BIN2: variants seen among roughly 807,000 people sequenced by gnomAD.
The protein encoded by BIN2 is bridging integrator 2, also known as breast cancer associated protein BRAP1.
A neutral mutation model predicts 67.9 loss-of-function variants in BIN2; 43 were observed. The observed-to-expected ratio is 0.63, with a 90% CI of 0.50 to 0.82. The LOEUF is 0.82. BIN2 is among the 40% of genes least tolerant of loss of function. BIN2 has a pLI of 0.00. For synonymous variants in BIN2, 244 were observed against 246.8 expected, an observed-to-expected ratio of 0.99 and a Z score of 0.11; for missense variants, 581 against 671.6, an observed-to-expected ratio of 0.87 and a Z score of 1.49.
rs1945665682 is a variant in BIN2 at position 51,299,614 on chromosome 12, GTCT to G, written c.506_508del (p.Lys169del). On this transcript the variant is annotated inframe_deletion, in exon 6 of 13. Transcript: ENST00000615107. Reference sequence around the variant, plus strand: ...TTGTTGTTTTTGTTTTACCTTGGCAGTCTTGGCCTCATCTTTCTTCTTGGCATT... The same window carrying G: ...TTGTTGTTTTTGTTTTACCTTGGCAGTGGCCTCATCTTTCTTCTTGGCATT... The G allele has an allele frequency of 1.2e-6, 2 of 1,613,748 alleles. No individual in the cohort carries two copies.
intron 2 of BIN2, among the ~76,000 whole-genome samples, chr12:51,310,229 G>T (rs1945962235): frequency 6.6e-6 from 1 of 152,128 alleles, no homozygotes; most frequent in Non-Finnish European, 1.5e-5. Flanking sequence ...GAAGACATAG[G>T]AACATATTAG....
chr12:51,290,925 T>C (rs1262240060), intron 10 of BIN2, among the ~76,000 whole-genome samples: 1 of 132,912 alleles, frequency 7.5e-6, no homozygotes, highest in Non-Finnish European at 1.6e-5. Flanking sequence ...AGAGCGAGAC[T>C]CCGTCTCAAA....
chr12:51,283,990 T>G (rs1945178404), intron 12 of BIN2, among the ~76,000 whole-genome samples: 1 of 33,704 alleles, frequency 3.0e-5, no homozygotes, highest in South Asian at 2.9e-3. Flanking sequence ...TGAAACTCCG[T>G]CTCAAAAAAA....
At chr12:51,290,070 A>ATTAT (rs946814147) in intron 10 of BIN2, among the ~76,000 whole-genome samples, 24 of 151,014 alleles carry the variant, frequency 1.6e-4, no homozygotes, top group South Asian at 4.2e-4. Flanking sequence ...TTTTGAATTT[A>ATTAT]TTATTTATTT....
chr12:51,321,069 A>C (rs750277100), intron 1 of BIN2, among the ~76,000 whole-genome samples: 2 of 151,984 alleles, frequency 1.3e-5, no homozygotes, highest in African/African-American at 2.4e-5. Flanking sequence ...TGGTCACCAG[A>C]CCTCCACTCC....
intron 9 of BIN2, among the ~76,000 whole-genome samples, chr12:51,293,041 A>C (rs939599914): frequency 1.3e-5 from 2 of 151,918 alleles, no homozygotes; most frequent in African/African-American, 4.8e-5. Context: ...ATATATATTA[A>C]ATAAGGTATC....
rs1267935737 is a variant in BIN2, at chr12:51,318,262, CT to C, written c.82-4360del. ...AGAGACTCTGATTCATATCTCCATT[CT>C]TTTTTTTTTTTTTTTTTGAGACAAG... On this transcript the variant is annotated intron_variant, in intron 1 of 12. Coordinates refer to ENST00000615107, the MANE Select transcript of BIN2 (RefSeq NM_016293.4). 4.2e-3 allele frequency among the ~76,000 whole-genome samples: 557 copies of C among 131,756 alleles called. 2 individuals carry two copies. Among genetic ancestry groups the C allele is most frequent in the African/African-American group, 9.9e-3 (355 of 35,710 alleles). 86.4% of individuals were successfully genotyped at this position (131,756 alleles called of 152,430 possible). A position where few individuals can be genotyped will look rare whatever the true frequency, so the allele number is the denominator to read the frequency against.
intron 2 of BIN2, among the ~76,000 whole-genome samples, chr12:51,303,964 G>T (rs1406111699): frequency 1.3e-5 from 2 of 152,144 alleles, no homozygotes; most frequent in Non-Finnish European, 2.9e-5. Context: ...ACTTTTTCTG[G>T]CTGGGCGTGG....
chr12:51,293,459 G>A (rs1169044361), intron 9 of BIN2, among the ~76,000 whole-genome samples: 1 of 152,132 alleles, frequency 6.6e-6, no homozygotes, highest in Non-Finnish European at 1.5e-5. Flanking sequence ...ACAGGCGCCC[G>A]CCACCATGCC....
intron 1 of BIN2, among the ~76,000 whole-genome samples, chr12:51,323,765 C>T (rs1369931015): frequency 1.3e-5 from 2 of 152,350 alleles, no homozygotes; most frequent in African/African-American, 4.8e-5. Context: ...GAAGGTTCTG[C>T]CCAGAGACTG....
chr12:51,310,640 T>G (rs1274967134), intron 2 of BIN2, among the ~76,000 whole-genome samples: 2 of 152,244 alleles, frequency 1.3e-5, no homozygotes, highest in East Asian at 3.8e-4. Flanking sequence ...AATCTCACAT[T>G]TATTTATTGT....
chr12:51,324,217 C>T (rs760079668), upstream of BIN2: 162 of 1,480,382 alleles, frequency 1.1e-4, no homozygotes, highest in Non-Finnish European at 1.4e-4. Context: ...AGCCCTGAGC[C>T]ACCTCAGGCC....
intron 9 of BIN2, among the ~76,000 whole-genome samples, chr12:51,295,587 T>A (rs1403582391): frequency 0.066 from 731 of 11,008 alleles, 34 homozygotes; most frequent in Non-Finnish European, 0.084. Flanking sequence ...AATATATATA[T>A]ATATATATAT....
At position 51,298,556 on chromosome 12, in the gene BIN2, T is replaced by A. The variant is rs149802233; in HGVS notation, c.602+647A>T. ...CCTGTCTCAAAATAAATAAATTAAT[T>A]AATTAATAAAATAAAATAAAAAATA... On this transcript the variant is annotated intron_variant, in intron 7 of 12. Transcript: ENST00000615107. Among the ~76,000 whole-genome samples the A allele has an allele frequency of 0.011, 1,608 of 151,788 alleles. 58 individuals carry two copies. The East Asian group carries it at 0.14, about 13-fold the overall frequency.
At chr12:51,292,711 C>G (rs751018053) in intron 9 of BIN2, among the ~76,000 whole-genome samples, 1 of 152,170 alleles carries the variant, frequency 6.6e-6, no homozygotes, top group Non-Finnish European at 1.5e-5. Flanking sequence ...GTGGCACTTT[C>G]CCAGTCACTA....
Position 51,294,912 on chromosome 12 carries a change from G to A in BIN2, c.761+884C>T, listed in dbSNP as rs576957711. On this transcript the variant is annotated intron_variant, in intron 9 of 12. Transcript: ENST00000615107. Reference sequence around the variant, plus strand: ...TTGTTGTATTATTCTTTATACGTTCGGTTATGTCTAAAATATTTAATTTTT... The same window carrying A: ...TTGTTGTATTATTCTTTATACGTTCAGTTATGTCTAAAATATTTAATTTTT... Among the ~76,000 whole-genome samples the A allele has an allele frequency of 3.3e-5, 5 of 151,990 alleles. No individual in the cohort carries two copies. In the South Asian group the frequency reaches 1.0e-3, roughly 32 times the overall value.
chr12:51,299,813 A>G (rs531273598), intron 5 of BIN2, 99 bp from the exon 6 acceptor site: 522 of 1,040,666 alleles, frequency 5.0e-4, no homozygotes, highest in Non-Finnish European at 6.7e-4. Context: ...CTTGCATCCT[A>G]CTATCAAATT....
At chr12:51,307,728 C>T (rs1945908318) in intron 2 of BIN2, among the ~76,000 whole-genome samples, 1 of 151,768 alleles carries the variant, frequency 6.6e-6, no homozygotes, top group Non-Finnish European at 1.5e-5. Flanking sequence ...AAAAAAATTA[C>T]CTTGCACAAT....
chr12:51,305,308 AT>A (rs954159972), intron 2 of BIN2, among the ~76,000 whole-genome samples: 6 of 150,036 alleles, frequency 4.0e-5, no homozygotes, highest in African/African-American at 1.5e-4. Context: ...CATCTCAAAA[AT>A]AAATAAATAA....
Sources: allele counts gnomAD v4.1 joint callset (sites outside exome capture counted in the v4.1 genomes callset), GRCh38; gene constraint gnomAD v4.1.1; transcripts MANE v1.5; gene names NCBI Gene and HGNC (gene_info 2026-07-23, HGNC 2026-07-21).